PIK3C2B: variants seen among roughly 807,000 people sequenced by gnomAD.
The protein encoded by PIK3C2B is phosphatidylinositol 4-phosphate 3-kinase C2 domain-containing subunit beta.
A neutral mutation model predicts 184.3 loss-of-function variants in PIK3C2B; 83 were observed. That is an observed-to-expected ratio of 0.45 (90% CI 0.38 to 0.54). The LOEUF is 0.54. Ranked by LOEUF, PIK3C2B falls within the 20% of genes least tolerant of loss-of-function variation. The pLI is 0.00. For missense variants in PIK3C2B, 1,736 were observed against 2,113.5 expected, an observed-to-expected ratio of 0.82 and a Z score of 3.50; for synonymous variants, 779 against 837.6, an observed-to-expected ratio of 0.93 and a Z score of 1.21.
intron 12 of PIK3C2B, chr1:204,450,235 T>C (rs1654235439): frequency 3.9e-6 from 2 of 507,326 alleles, no homozygotes; most frequent in South Asian, 5.9e-5. Context: ...TGTGGTGTCC[T>C]TGGAGCTTTG....
At chr1:204,444,474 C>G (rs774728585) in intron 16 of PIK3C2B, 50 bp from the exon 17 acceptor site, 3 of 1,377,662 alleles carry the variant, frequency 2.2e-6, no homozygotes, top group Non-Finnish European at 2.0e-6. Context: ...AGTTGAGGCA[C>G]AGCTGTGAGC....
At chr1:204,492,072 C>A (rs1262131083) in intron 1 of PIK3C2B, among the ~76,000 whole-genome samples, 1 of 152,214 alleles carries the variant, frequency 6.6e-6, no homozygotes, top group African/African-American at 2.4e-5. Context: ...ACATTCCCTA[C>A]TCCATGTGGC....
At chr1:204,440,620 A>G (rs1675602112) in intron 21 of PIK3C2B, among the ~76,000 whole-genome samples, 1 of 129,280 alleles carries the variant, frequency 7.7e-6, no homozygotes, top group Non-Finnish European at 1.6e-5. Flanking sequence ...TTTTTGAGAC[A>G]GTGTCTCACT....
intron 19 of PIK3C2B, 149 bp from the exon 20 acceptor site, chr1:204,442,782 G>A (rs1461296116): frequency 3.3e-6 from 2 of 602,496 alleles, no homozygotes; most frequent in East Asian, 2.8e-5. Flanking sequence ...CCTTAAGGAG[G>A]AGGACCCCCT....
intron 8 of PIK3C2B, among the ~76,000 whole-genome samples, chr1:204,458,725 C>T (rs943502498): frequency 6.6e-6 from 1 of 152,064 alleles, no homozygotes; most frequent in Admixed American, 6.6e-5. Context: ...AACTCCTGAC[C>T]TCAGGTGACC....
At position 204,431,744 on chromosome 1, in the gene PIK3C2B, A is replaced by G; in HGVS notation, c.4205T>C (p.Ile1402Thr). The change falls in exon 28 of 33, where the codon ATC becomes ACC. Residue 1402 changes from isoleucine (I) to threonine (T), a missense_variant. Transcript: ENST00000684373. ...MRENTHEATY[I>T]QRTFEEFQEL... ...CTGGAACTCCTCAAAGGTCCGCTGG[A>G]TGTAGGTGGCCTCGTGAGTGTTCTC... is the stretch of plus-strand genomic sequence containing the variant. 6.2e-7 allele frequency: 1 copy of G among 1,614,174 alleles called. No homozygotes were observed. Among genetic ancestry groups the G allele is most frequent in the Non-Finnish European group, 8.5e-7 (1 of 1,180,014 alleles).
intron 1 of PIK3C2B, among the ~76,000 whole-genome samples, chr1:204,477,540 C>T (rs1468440057): frequency 6.6e-6 from 1 of 152,140 alleles, no homozygotes; most frequent in Admixed American, 6.5e-5. Flanking sequence ...CAGAGTGACA[C>T]AATGGTTCAG....
chr1:204,442,679 A>G (rs1188032460), intron 19 of PIK3C2B, 46 bp from the exon 20 acceptor site: 27 of 1,322,636 alleles, frequency 2.0e-5, no homozygotes, highest in Non-Finnish European at 2.9e-5. Context: ...TGGAGGGTCC[A>G]TACTGAGAAC....
chr1:204,444,071 A>G lies in PIK3C2B; in HGVS notation c.2864T>C (p.Phe955Ser). ...ACTTTTCTACATGCAGTTTTACCAG[A>G]AGAAGTAGTGAGTCACTCTCAAGTC... ...VSDLRVTHYF[F>S]WLLKDGLKDS... Residue 955 changes from phenylalanine (F) to serine (S), a missense_variant, in exon 18 of 33, where the codon TTC becomes TCC. By Grantham distance (155) the Phe-to-Ser change is radical. Transcript: ENST00000684373. The G allele has an allele frequency of 6.2e-7, 1 of 1,605,126 alleles. No individual in the cohort carries two copies. Among genetic ancestry groups the G allele is most frequent in the South Asian group, 1.1e-5 (1 of 90,912 alleles).
At position 204,433,442 on chromosome 1, in the gene PIK3C2B, G is replaced by A; in HGVS notation, c.3844-17C>T. The A allele has an allele frequency of 1.4e-6, 2 of 1,436,670 alleles. No individual in the cohort carries two copies. The highest frequency in any genetic ancestry group is 2.0e-6 in the Non-Finnish European group (2 of 1,019,478). The allele number at this position is 1,436,670 out of a possible 1,614,324, so 89.0% of individuals were successfully genotyped here. On this transcript the variant is annotated splice_polypyrimidine_tract_variant and intron_variant, in intron 25 of 32. Coordinates refer to ENST00000684373, the MANE Select transcript of PIK3C2B (RefSeq NM_001377334.1). This position sits in a 1 kb window ranked among gnomAD's most constrained non-coding sequence, Gnocchi z 5.0. The stretch of plus-strand genomic sequence containing the variant: ...GGACAACATCTAGAAGGAGCAGAAA[G>A]AAGAAGAGAGGGTGCCTGTAACAAC...
rs746421169 is a variant in PIK3C2B, at chr1:204,464,143, T to C, written c.1190-11A>G. ...CTACAGTGGAGGAACCTGTGAAGGG[T>C]AAGGTAGGGGGAGCAATCATGATGG... On this transcript the variant is annotated splice_polypyrimidine_tract_variant and intron_variant, in intron 4 of 32. Transcript: ENST00000684373. 1.2e-6 allele frequency: 2 copies of C among 1,613,346 alleles called. No individual in the cohort carries two copies. The highest frequency in any genetic ancestry group is 1.7e-5 in the Admixed American group (1 of 59,888).
chr1:204,456,906 A>ACCCC (rs1553304142), intron 10 of PIK3C2B, 131 bp downstream of exon 10: 3 of 148,860 alleles, frequency 2.0e-5, no homozygotes, highest in Non-Finnish European at 2.8e-5. Context: ...ACACACACAC[A>ACCCC]CCCACACACA....
intron 26 of PIK3C2B, 94 bp from the exon 27 acceptor site, chr1:204,432,495 A>G (rs1675118380): frequency 6.6e-6 from 6 of 909,500 alleles, no homozygotes; most frequent in Non-Finnish European, 8.8e-6. Flanking sequence ...GACTCCTGAG[A>G]CTAACAATCA....
intron 1 of PIK3C2B, among the ~76,000 whole-genome samples, chr1:204,470,860 G>C (rs1188997979): frequency 1.3e-5 from 2 of 152,216 alleles, no homozygotes; most frequent in African/African-American, 4.8e-5. Context: ...TAGCTTTGCT[G>C]AGTAAAAGAT....
In PIK3C2B at chr1:204,432,194, A is replaced by G. The variant is rs370450574; in HGVS notation, c.4155+6T>C. ...GAAAGGGGGTCAGATTGGAGAAAAC[A>G]CTTACATAGCCTTTGTTGGGGTGGA... On this transcript the variant is annotated splice_donor_region_variant and intron_variant, in intron 27 of 32. Coordinates refer to ENST00000684373, the MANE Select transcript of PIK3C2B (RefSeq NM_001377334.1). 6.2e-6 allele frequency: 10 copies of G among 1,612,812 alleles called. No homozygotes were observed. In the African/African-American group the frequency reaches 1.2e-4, roughly 19 times the overall value.
chr1:204,477,377 C>T lies in PIK3C2B; in HGVS notation c.-84-7491G>A, dbSNP rs995257290. Among the ~76,000 whole-genome samples, 7 of 152,110 alleles carry T rather than the reference C, an allele frequency of 4.6e-5. No homozygotes were observed. In the East Asian group the frequency reaches 1.4e-3, roughly 29 times the overall value. On this transcript the variant is annotated intron_variant, in intron 1 of 32. Coordinates refer to ENST00000684373, the MANE Select transcript of PIK3C2B (RefSeq NM_001377334.1). ...AGACAAGAAGACCTGGGTAGAGGCA[C>T]CCCAAAAAGCACCAGTCAGCTGAAG...
rs1315590514 is a variant in PIK3C2B, at chr1:204,454,694, A to G, written c.2041T>C (p.Phe681Leu). 6.2e-7 allele frequency: 1 copy of G among 1,613,146 alleles called. No homozygotes were observed. The highest frequency in any genetic ancestry group is 8.5e-7 in the Non-Finnish European group (1 of 1,179,992). Reference sequence around the variant, plus strand: ...TGCTGGTCCCAGACGATGAGGTGGAAGAGGTACTTGGAGAAGTGAGCTCTT... The same window carrying G: ...TGCTGGTCCCAGACGATGAGGTGGAGGAGGTACTTGGAGAAGTGAGCTCTT... ...TRRAHFSKYL[F>L]HLIVWDQQIC... Residue 681 changes from phenylalanine (F) to leucine (L), a missense_variant, in exon 12 of 33, where the codon TTC (phenylalanine) becomes CTC (leucine). Transcript: ENST00000684373.
chr1:204,480,068 T>C (rs923183337), intron 1 of PIK3C2B, among the ~76,000 whole-genome samples: 1 of 152,124 alleles, frequency 6.6e-6, no homozygotes, highest in Non-Finnish European at 1.5e-5. Flanking sequence ...AAGGAGGCAG[T>C]GTGGAGGCGT....
chr1:204,463,626 A>G (rs1029951861), intron 5 of PIK3C2B, among the ~76,000 whole-genome samples: 1 of 152,072 alleles, frequency 6.6e-6, no homozygotes, highest in African/African-American at 2.4e-5. Flanking sequence ...CCCAGTCCTC[A>G]TTTTGCCCCA....
Sources: allele counts gnomAD v4.1 joint callset (sites outside exome capture counted in the v4.1 genomes callset), GRCh38; gene constraint gnomAD v4.1.1; non-coding constraint Gnocchi (gnomAD v3.1); transcripts MANE v1.5; gene names NCBI Gene and HGNC (gene_info 2026-07-23, HGNC 2026-07-21).